ASXL1: variants seen among roughly 807,000 people sequenced by gnomAD.
ASXL1 encodes ASXL transcriptional regulator 1.
ASXL1 carries 65 observed loss-of-function variants against 89.1 expected under a neutral mutation model. The observed-to-expected ratio is 0.73, with a 90% confidence interval of 0.60 to 0.90. The LOEUF (loss-of-function observed/expected upper bound fraction) is 0.90. Ranked by LOEUF, ASXL1 falls within the 40% of genes least tolerant of loss-of-function variation. The pLI, the probability that ASXL1 is intolerant of heterozygous loss-of-function variation, is 0.00. For missense variants in ASXL1, 1,786 were observed against 1,942.9 expected (o/e 0.92, Z 1.52); for synonymous variants, 739 against 746.9 (o/e 0.99, Z 0.17).
rs2011462698 is a variant in ASXL1, at chr20:32,429,770, T to C, written c.566-131T>C. 2 of 1,314,178 alleles carry C rather than the reference T, an allele frequency of 1.5e-6. No individual in the cohort carries two copies. Among genetic ancestry groups the C allele is most frequent in the Non-Finnish European group, 2.1e-6 (2 of 957,938 alleles). The allele number at this position is 1,314,178 out of a possible 1,614,324, so 81.4% of individuals were successfully genotyped here. On this transcript the variant is annotated intron_variant, in intron 7 of 12. Transcript: ENST00000375687. This position sits in a 1 kb window ranked among gnomAD's most constrained non-coding sequence, Gnocchi z 4.9. ...CATGAAGTGGTGGTTTCTCTCAGCCTAAGGCTGGGAGATGGAAGCATCCCA... is the reference window on the plus strand; with the variant it reads ...CATGAAGTGGTGGTTTCTCTCAGCCCAAGGCTGGGAGATGGAAGCATCCCA...
chr20:32,407,338 C>T lies in ASXL1; in HGVS notation c.253-20790C>T, dbSNP rs149871022. On this transcript the variant is annotated intron_variant, in intron 4 of 12. Transcript: ENST00000375687. ...CAACCTGGGCAACAGAGCTAGACTC[C>T]GTCTCGGGGGGAAAAAAAAGAATTG... Among the ~76,000 whole-genome samples, 30 of 151,448 alleles carry T rather than the reference C, an allele frequency of 2.0e-4. No homozygotes were observed. The East Asian group carries it at 4.5e-3, about 23-fold the overall frequency.
chr20:32,437,674 C>T lies in ASXL1; in HGVS notation c.*336C>T. 1 of 422,624 alleles carries T rather than the reference C, an allele frequency of 2.4e-6. No individual in the cohort carries two copies. Among genetic ancestry groups the T allele is most frequent in the Non-Finnish European group, 4.3e-6 (1 of 230,980 alleles). The allele number at this position is 422,624 out of a possible 1,614,324, so 26.2% of individuals were successfully genotyped here. On this transcript the variant is annotated 3_prime_UTR_variant, in exon 13 of 13. Transcript: ENST00000375687. ...ACTTGAAACTGAAGCAAGAAGGTTG[C>T]ATTCTCCACCAAGGGAGTTAACCTA...
At chr20:32,372,166 G>A in intron 4 of ASXL1, 1 of 1,352,234 alleles carries the variant, frequency 7.4e-7, no homozygotes, top group Non-Finnish European at 9.8e-7. Flanking sequence ...TTTTACAGGT[G>A]TGAGCCACTG....
At position 32,438,930 on chromosome 20, in the gene ASXL1, C is replaced by T. The variant is rs150838111; in HGVS notation, c.*1592C>T. The T allele has an allele frequency of 2.6e-5, 6 of 233,452 alleles. No homozygotes were observed. The highest frequency in any genetic ancestry group is 3.6e-4 in the South Asian group (2 of 5,526). The allele number at this position is 233,452 out of a possible 1,614,324, so 14.5% of individuals were successfully genotyped here. ...GTTTCCTGCCTTATATCTTGTATTT[C>T]GACTTATTACAGAGTTGAGGGTTCT... On this transcript the variant is annotated 3_prime_UTR_variant, in exon 13 of 13. Transcript: ENST00000375687.
intron 4 of ASXL1, among the ~76,000 whole-genome samples, chr20:32,385,534 GTCT>G (rs1264843056): frequency 6.6e-6 from 1 of 152,038 alleles, no homozygotes; most frequent in African/African-American, 2.4e-5. Context: ...TTTTGTTTTA[GTCT>G]TCTTTTTTGA....
At chr20:32,415,089 A>G (rs1457661440) in intron 4 of ASXL1, among the ~76,000 whole-genome samples, 2 of 151,020 alleles carry the variant, frequency 1.3e-5, no homozygotes, top group Admixed American at 6.6e-5. Context: ...ACTCACTGCA[A>G]CCTCTACCTC....
chr20:32,437,586 A>G lies in ASXL1; in HGVS notation c.*248A>G. The G allele has an allele frequency of 1.8e-6, 1 of 544,094 alleles. No homozygotes were observed. Among genetic ancestry groups the G allele is most frequent in the Non-Finnish European group, 3.3e-6 (1 of 307,684 alleles). The allele number at this position is 544,094 out of a possible 1,614,324, so 33.7% of individuals were successfully genotyped here. On this transcript the variant is annotated 3_prime_UTR_variant, in exon 13 of 13. Coordinates refer to ENST00000375687, the MANE Select transcript of ASXL1 (RefSeq NM_015338.6). ...GCCAGCCTGAGCTCTCCTGCAAGACAGAGCCTGATGTGGCACGGAGTGGGG... is the reference window on the plus strand; with the variant it reads ...GCCAGCCTGAGCTCTCCTGCAAGACGGAGCCTGATGTGGCACGGAGTGGGG...
chr20:32,435,598 G>A lies in ASXL1; in HGVS notation c.2886G>A (p.Val962=), dbSNP rs2145374721. Residue 962 remains valine, a synonymous_variant, in exon 13 of 13, where the codon GTG becomes GTA. Transcript: ENST00000375687. ...ACAGCCTTACTTCACTCTGGACTGTGCCATCTCGAGGAGGCAGTGACAGCA... is the reference window on the plus strand; with the variant it reads ...ACAGCCTTACTTCACTCTGGACTGTACCATCTCGAGGAGGCAGTGACAGCA... ...PLDSLTSLWT[V]PSRGGSDSNG... The A allele has an allele frequency of 6.2e-7, 1 of 1,614,124 alleles. No homozygotes were observed. The highest frequency in any genetic ancestry group is 8.5e-7 in the Non-Finnish European group (1 of 1,180,034).
chr20:32,424,157 G>T (rs1455628944), intron 4 of ASXL1, among the ~76,000 whole-genome samples: 1 of 152,078 alleles, frequency 6.6e-6, no homozygotes, highest in African/African-American at 2.4e-5. Context: ...CTTTTTCATT[G>T]TTATTTTCTT....
chr20:32,372,555 T>G (rs1486778717), intron 4 of ASXL1: 1 of 290,424 alleles, frequency 3.4e-6, no homozygotes, highest in African/African-American at 2.2e-5. Flanking sequence ...ATGAACGAAT[T>G]TAGTGAATAA....
chr20:32,408,748 C>T (rs1233965744), intron 4 of ASXL1, among the ~76,000 whole-genome samples: 1 of 151,916 alleles, frequency 6.6e-6, no homozygotes, highest in African/African-American at 2.4e-5. Context: ...ATTTTAGAAT[C>T]AACTTGTCAA....
chr20:32,368,947 G>A (rs2048249807), intron 3 of ASXL1, 68 bp from the exon 4 acceptor site: 3 of 1,314,676 alleles, frequency 2.3e-6, no homozygotes, highest in Non-Finnish European at 2.2e-6. Flanking sequence ...GAATGAGTTG[G>A]AGGGATTAGG....
At position 32,429,867 on chromosome 20, in the gene ASXL1, G is replaced by A. The variant is rs757171651; in HGVS notation, c.566-34G>A. 5 of 1,603,662 alleles carry A rather than the reference G, an allele frequency of 3.1e-6. No homozygotes were observed. In the South Asian group the frequency reaches 4.4e-5, roughly 14 times the overall value. On this transcript the variant is annotated intron_variant, in intron 7 of 12. Transcript: ENST00000375687. This position sits in a 1 kb window ranked among gnomAD's most constrained non-coding sequence, Gnocchi z 4.9. ...CTGAGAGCCATGGGCGCGGCTTGGT[G>A]ATACTTTTGACCAGTGGAATGCTGT...
In ASXL1 at chr20:32,428,652, C is replaced by CTTTTTTTTT. The variant is rs35966674; in HGVS notation, c.471+249_471+257dup. 3.9e-4 allele frequency: 57 copies of CTTTTTTTTT among 147,938 alleles called. 4 individuals are homozygous for CTTTTTTTTT. Among genetic ancestry groups the CTTTTTTTTT allele is most frequent in the African/African-American group, 2.8e-3 (46 of 16,718 alleles). The allele number at this position is 147,938 out of a possible 1,614,324, so 9.2% of individuals were successfully genotyped here. ...CCTTGGCTGAGTGATTTTGTTCATT[C>CTTTTTTTTT]TTTTTTTTTTTTTTTTTTTTTTTTT... On this transcript the variant is annotated intron_variant, in intron 6 of 12. Coordinates refer to ENST00000375687, the MANE Select transcript of ASXL1 (RefSeq NM_015338.6).
chr20:32,414,355 G>T, intron 4 of ASXL1, among the ~76,000 whole-genome samples: 1 of 147,430 alleles, frequency 6.8e-6, no homozygotes, highest in African/African-American at 2.5e-5. Context: ...TGTTGTTTTT[G>T]GCCTCTCATT....
chr20:32,434,374 A>G, intron 12 of ASXL1, 58 bp from the exon 13 acceptor site: 1 of 1,592,508 alleles, frequency 6.3e-7, no homozygotes, highest in East Asian at 2.2e-5. Flanking sequence ...TTTGCTTTAC[A>G]GTCCCTAGGT....
intron 4 of ASXL1, among the ~76,000 whole-genome samples, chr20:32,377,275 G>A (rs936236658): frequency 1.5e-4 from 23 of 148,990 alleles, no homozygotes; most frequent in Admixed American, 2.7e-4. Context: ...CGTGAGCCAC[G>A]TGCCTGGCCA....
intron 4 of ASXL1, among the ~76,000 whole-genome samples, chr20:32,415,307 C>G (rs2049119230): frequency 6.6e-6 from 1 of 152,152 alleles, no homozygotes; most frequent in Non-Finnish European, 1.5e-5. Flanking sequence ...CCATGCCCAG[C>G]CTGCGTCATG....
chr20:32,399,313 A>C (rs2048828081), intron 4 of ASXL1, among the ~76,000 whole-genome samples: 2 of 151,948 alleles, frequency 1.3e-5, no homozygotes, highest in South Asian at 4.2e-4. Flanking sequence ...CTAACAAGAA[A>C]TCTGCTATCT....
Sources: gnomAD v4.1 joint callset for allele counts (sites outside exome capture counted in the v4.1 genomes callset) on GRCh38, gnomAD v4.1.1 for gene constraint, Gnocchi (gnomAD v3.1) non-coding constraint, MANE v1.5 for transcripts, NCBI Gene and HGNC (gene_info 2026-07-23, HGNC 2026-07-21) for gene names.